Variants in LIN28B observed in about 807,000 individuals in gnomAD.
The protein encoded by LIN28B is protein lin-28 homolog B.
Under a neutral mutation model 21.9 loss-of-function variants are expected in LIN28B, and 5 were observed. The ratio of observed to expected loss-of-function variants is 0.23; its 90% CI spans 0.12 to 0.48. The LOEUF is 0.48. LIN28B is among the 20% of genes least tolerant of loss of function. The pLI is 0.98. For missense variants in LIN28B, 245 were observed against 310.5 expected (o/e 0.79, Z 1.58); for synonymous variants, 109 against 111.3 (o/e 0.98, Z 0.13).
chr6:104,978,088 C>G (rs1354266164), intron 2 of LIN28B, among the ~76,000 whole-genome samples: 2 of 152,184 alleles, frequency 1.3e-5, no homozygotes, highest in Non-Finnish European at 2.9e-5. Context: ...ACCACTCTTA[C>G]ATATTCATTA....
chr6:104,972,964 A>T (rs1770008951), intron 2 of LIN28B, among the ~76,000 whole-genome samples: 1 of 152,070 alleles, frequency 6.6e-6, no homozygotes, highest in Admixed American at 6.5e-5. Context: ...TATAAAAATT[A>T]GCCAGGTGTG....
At chr6:105,077,690 A>G (rs772964945) in intron 3 of LIN28B, among the ~76,000 whole-genome samples, 9 of 152,204 alleles carry the variant, frequency 5.9e-5, no homozygotes, top group Non-Finnish European at 1.3e-4. Context: ...AACTAGCATG[A>G]ACCTTTATTA....
chr6:104,967,560 G>A (rs1343076471), intron 2 of LIN28B, among the ~76,000 whole-genome samples: 2 of 90,894 alleles, frequency 2.2e-5, no homozygotes, highest in African/African-American at 9.3e-5. Flanking sequence ...CAGGCGACAA[G>A]AGTGAAACTC....
At chr6:105,031,696 G>A (rs917732903) in intron 3 of LIN28B, among the ~76,000 whole-genome samples, 14 of 151,878 alleles carry the variant, frequency 9.2e-5, no homozygotes, top group South Asian at 2.1e-4. Flanking sequence ...ACCACACGTC[G>A]CTAATTTTTT....
At chr6:105,054,845 C>CTTT (rs11392418) in intron 3 of LIN28B, among the ~76,000 whole-genome samples, 20 of 137,402 alleles carry the variant, frequency 1.5e-4, no homozygotes, top group Admixed American at 3.7e-4. Context: ...ACCTGAACAA[C>CTTT]TTTTTTTTTT....
At chr6:105,037,482 T>G (rs1297751674) in intron 3 of LIN28B, among the ~76,000 whole-genome samples, 2 of 109,800 alleles carry the variant, frequency 1.8e-5, no homozygotes, top group Non-Finnish European at 1.8e-5. Flanking sequence ...TCCCCTCTCC[T>G]CCCCCTCCTC....
intron 3 of LIN28B, among the ~76,000 whole-genome samples, chr6:105,068,652 A>G (rs1034363957): frequency 2.0e-5 from 3 of 152,220 alleles, no homozygotes; most frequent in Non-Finnish European, 4.4e-5. Flanking sequence ...CCAAATGGCA[A>G]TTATACTAAC....
chr6:105,045,804 G>C (rs1421326882), intron 3 of LIN28B: 1 of 152,294 alleles, frequency 6.6e-6, no homozygotes, highest in Non-Finnish European at 1.5e-5. Context: ...TCAAAGTCCA[G>C]TTGGTAGGAT....
chr6:104,982,869 G>C (rs937290281), intron 2 of LIN28B, among the ~76,000 whole-genome samples: 10 of 152,112 alleles, frequency 6.6e-5, no homozygotes, highest in Admixed American at 3.3e-4. Flanking sequence ...TGTGATCATA[G>C]CTTGCTGTAA....
intron 2 of LIN28B, among the ~76,000 whole-genome samples, chr6:104,985,378 A>C (rs189076667): frequency 2.0e-5 from 3 of 152,236 alleles, no homozygotes; most frequent in Non-Finnish European, 2.9e-5. Context: ...ACCTAAATAT[A>C]GTAAACTGGG....
intron 3 of LIN28B, among the ~76,000 whole-genome samples, chr6:104,952,003 A>G (rs1778226432): frequency 6.6e-6 from 1 of 151,764 alleles, no homozygotes; most frequent in African/African-American, 2.4e-5. Flanking sequence ...TTACCCTGCC[A>G]CTCTTCTTTC....
chr6:105,022,080 T>TAGATTTTTGAGACAAGGGTCTCAAAAAA lies in LIN28B; in HGVS notation c.199-4199_199-4172dup, dbSNP rs532241110. On this transcript the variant is annotated intron_variant, in intron 2 of 3. Coordinates refer to ENST00000345080, the MANE Select transcript of LIN28B (RefSeq NM_001004317.4). Reference sequence around the variant, plus strand: ...CACCTACAACCTAAGAGCAGAATTGTAGATTTTTGAGACAAGGGTCTCAAA... The same window carrying TAGATTTTTGAGACAAGGGTCTCAAAAAA: ...CACCTACAACCTAAGAGCAGAATTGTAGATTTTTGAGACAAGGGTCTCAAAAAAAGATTTTTGAGACAAGGGTCTCAAA... Among the ~76,000 whole-genome samples, 221 of 152,196 alleles carry TAGATTTTTGAGACAAGGGTCTCAAAAAA rather than the reference T, an allele frequency of 1.5e-3. 1 individual carries two copies. The highest frequency in any genetic ancestry group is 4.1e-3 in the African/African-American group (172 of 41,502).
intron 3 of LIN28B, among the ~76,000 whole-genome samples, chr6:105,030,899 AT>A (rs1261833513): frequency 6.6e-6 from 1 of 151,736 alleles, no homozygotes; most frequent in African/African-American, 2.4e-5. Flanking sequence ...TCTTGGATTA[AT>A]TTCTGTTATA....
At chr6:104,942,621 A>G (rs1778109936) in intron 2 of LIN28B, among the ~76,000 whole-genome samples, 1 of 152,246 alleles carries the variant, frequency 6.6e-6, no homozygotes, top group Non-Finnish European at 1.5e-5. Flanking sequence ...CATTTTCAAT[A>G]ATAATTACAC....
chr6:105,024,348 A>G (rs558500762), intron 2 of LIN28B, among the ~76,000 whole-genome samples: 31 of 152,278 alleles, frequency 2.0e-4, no homozygotes, highest in South Asian at 6.2e-4. Flanking sequence ...TAGCTCTAAT[A>G]AAAAATGCTG....
chr6:105,016,229 G>A (rs1771022165), intron 2 of LIN28B, among the ~76,000 whole-genome samples: 1 of 151,684 alleles, frequency 6.6e-6, no homozygotes, highest in African/African-American at 2.4e-5. Context: ...ATTTTTAAAA[G>A]TTCAGAAAAT....
rs540836806 is a variant in LIN28B, at chr6:105,018,206, G to C, written c.199-8092G>C. Among the ~76,000 whole-genome samples, 8 of 152,220 alleles carry C rather than the reference G, an allele frequency of 5.3e-5. No individual in the cohort carries two copies. In the South Asian group the frequency reaches 1.7e-3, roughly 32 times the overall value. ...AGAGGCTGAGGCAGGAGGATTGCTT[G>C]AGTCCAGGAGGTCAAGACTACAGTG... On this transcript the variant is annotated intron_variant, in intron 2 of 3. Coordinates refer to ENST00000345080, the MANE Select transcript of LIN28B (RefSeq NM_001004317.4).
chr6:104,960,213 T>C (rs569155812), intron 2 of LIN28B, among the ~76,000 whole-genome samples: 1 of 152,240 alleles, frequency 6.6e-6, no homozygotes, highest in South Asian at 2.1e-4. Flanking sequence ...AGGTTTCTTA[T>C]ATTGTAATAT....
At chr6:104,947,986 T>G (rs1778176845) in intron 2 of LIN28B, among the ~76,000 whole-genome samples, 1 of 152,132 alleles carries the variant, frequency 6.6e-6, no homozygotes, top group Admixed American at 6.5e-5. Flanking sequence ...AGTACACTAT[T>G]ACATGGTAGA....
Sources: gnomAD v4.1 joint callset for allele counts (sites outside exome capture counted in the v4.1 genomes callset) on GRCh38, gnomAD v4.1.1 for gene constraint, MANE v1.5 for transcripts, NCBI Gene and HGNC (gene_info 2026-07-23, HGNC 2026-07-21) for gene names.